The following PAPPA variants were observed in gnomAD, a reference collection of about 807,000 sequenced individuals.
The protein encoded by PAPPA is pappalysin-1.
A neutral mutation model predicts 164.0 loss-of-function variants in PAPPA; 60 were observed. The ratio of observed to expected loss-of-function variants is 0.37; its 90% CI spans 0.30 to 0.45. The LOEUF (loss-of-function observed/expected upper bound fraction) is 0.45. Among genes scored for constraint, PAPPA ranks in the 20% least tolerant of loss-of-function variants. The pLI is 1.00. For missense variants in PAPPA, 1,782 were observed against 2,087.3 expected, an observed-to-expected ratio of 0.85 and a Z score of 2.85; for synonymous variants, 875 against 814.1, an observed-to-expected ratio of 1.07 and a Z score of -1.27.
At chr9:116,272,673 T>C (rs188816334) in intron 9 of PAPPA, among the ~76,000 whole-genome samples, 133 of 152,168 alleles carry the variant, frequency 8.7e-4, no homozygotes, top group African/African-American at 3.0e-3. Context: ...GACATGGGAG[T>C]TTCTAGGCAG....
chr9:116,239,358 C>G (rs1357236984), intron 7 of PAPPA, among the ~76,000 whole-genome samples: 4 of 152,198 alleles, frequency 2.6e-5, no homozygotes, highest in African/African-American at 9.7e-5. Context: ...GACACAAAGA[C>G]ACACCGCATC....
At chr9:116,331,215 A>G in intron 10 of PAPPA, 29 bp from the exon 11 acceptor site, 1 of 1,344,598 alleles carries the variant, frequency 7.4e-7, no homozygotes, top group East Asian at 2.3e-5. Flanking sequence ...TCTCTAAAAC[A>G]TGATTATTTT....
chr9:116,396,802 G>A lies in PAPPA; in HGVS notation c.*186G>A. ...GGGCGAATGAACCAAGTTTCGCCAT[G>A]CTGGATGATGAAATGGATTCCCATC... is the stretch of plus-strand genomic sequence containing the variant. On this transcript the variant is annotated 3_prime_UTR_variant, in exon 22 of 22. Transcript: ENST00000328252. 1.7e-6 allele frequency: 1 copy of A among 585,994 alleles called. No individual in the cohort carries two copies. The highest frequency in any genetic ancestry group is 2.8e-5 in the East Asian group (1 of 35,792). The allele number at this position is 585,994 out of a possible 1,614,324, so 36.3% of individuals were successfully genotyped here.
chr9:116,179,792 T>A (rs539459955), intron 1 of PAPPA, among the ~76,000 whole-genome samples: 1 of 152,328 alleles, frequency 6.6e-6, no homozygotes, highest in East Asian at 1.9e-4. Context: ...ATAAAAGCTT[T>A]CCATAGGATT....
rs1211466718 is a variant in PAPPA at position 116,305,127 on chromosome 9, G to GCACACAAACACA, written c.3147+2183_3147+2184insAACACACACACA. The stretch of plus-strand genomic sequence containing the variant: ...GGCACACGCATACACAAGTACGTGG[G>GCACACAAACACA]CACACAGACACACACACACACACAC... On this transcript the variant is annotated intron_variant, in intron 10 of 21. Transcript: ENST00000328252. Among the ~76,000 whole-genome samples, 8 of 80,750 alleles carry GCACACAAACACA rather than the reference G, an allele frequency of 9.9e-5. No individual in the cohort carries two copies. The East Asian group carries it at 3.0e-3, about 30-fold the overall frequency. 53.0% of individuals were successfully genotyped at this position (80,750 alleles called of 152,430 possible). A position where few individuals can be genotyped will look rare whatever the true frequency, so the allele number is the denominator to read the frequency against.
At chr9:116,301,826 T>A (rs1482529346) in intron 9 of PAPPA, among the ~76,000 whole-genome samples, 1 of 152,228 alleles carries the variant, frequency 6.6e-6, no homozygotes, top group Non-Finnish European at 1.5e-5. Context: ...GTCTCAATAG[T>A]GTAACCTCTT....
intron 1 of PAPPA, among the ~76,000 whole-genome samples, chr9:116,173,397 T>G (rs1843795867): frequency 6.6e-6 from 1 of 152,164 alleles, no homozygotes; most frequent in Non-Finnish European, 1.5e-5. Flanking sequence ...CCTGAGACTT[T>G]AGTCCTGGCT....
intron 17 of PAPPA, among the ~76,000 whole-genome samples, chr9:116,361,091 G>A (rs530926648): frequency 3.0e-4 from 46 of 152,342 alleles, no homozygotes; most frequent in Admixed American, 7.8e-4. Flanking sequence ...TTCAAGGTTG[G>A]TGGTGGTGCT....
At chr9:116,327,582 G>C (rs563065327) in intron 10 of PAPPA, among the ~76,000 whole-genome samples, 442 of 26,226 alleles carry the variant, frequency 0.017, 4 homozygotes, top group African/African-American at 0.022. Flanking sequence ...TGCCTTTTTG[G>C]AAGGTGAAAA....
intron 21 of PAPPA, among the ~76,000 whole-genome samples, chr9:116,389,130 T>TTTA (rs1846855881): frequency 1.1e-5 from 1 of 88,530 alleles, no homozygotes; most frequent in South Asian, 6.3e-4. Context: ...AGAATAATCC[T>TTTA]TTTTTTTTTT....
chr9:116,368,176 A>AGC (rs1846526853), intron 19 of PAPPA, among the ~76,000 whole-genome samples: 10 of 152,154 alleles, frequency 6.6e-5, no homozygotes, highest in African/African-American at 2.4e-4. Flanking sequence ...GTAGCCTTCC[A>AGC]CTTTACATAG....
At chr9:116,263,085 GA>G (rs1323676285) in intron 7 of PAPPA, among the ~76,000 whole-genome samples, 1 of 152,068 alleles carries the variant, frequency 6.6e-6, no homozygotes, top group African/African-American at 2.4e-5. Context: ...TTTTCAATCT[GA>G]AAACTTGGGA....
intron 7 of PAPPA, among the ~76,000 whole-genome samples, chr9:116,261,244 A>G (rs2118802779): frequency 6.6e-6 from 1 of 152,378 alleles, no homozygotes; most frequent in East Asian, 1.9e-4. Flanking sequence ...GAAGTTTTAA[A>G]GAAATATAAC....
At chr9:116,369,782 T>C (rs1322827635) in intron 19 of PAPPA, among the ~76,000 whole-genome samples, 3 of 123,424 alleles carry the variant, frequency 2.4e-5, no homozygotes, top group African/African-American at 9.2e-5. Context: ...GCTGCCTGCC[T>C]GCCCCATCCC....
chr9:116,243,054 G>A (rs1023640227), intron 7 of PAPPA, among the ~76,000 whole-genome samples: 3 of 151,984 alleles, frequency 2.0e-5, no homozygotes, highest in Non-Finnish European at 4.4e-5. Flanking sequence ...CGTTAAATTG[G>A]GATTTCAATG....
At chr9:116,293,118 G>C (rs1845457239) in intron 9 of PAPPA, among the ~76,000 whole-genome samples, 1 of 152,148 alleles carries the variant, frequency 6.6e-6, no homozygotes. Context: ...AGACTGGAGA[G>C]AACCGATAGG....
intron 9 of PAPPA, among the ~76,000 whole-genome samples, chr9:116,288,445 C>CCCTCCCTA (rs1407730035): frequency 9.5e-6 from 1 of 104,842 alleles, no homozygotes; most frequent in Admixed American, 1.1e-4. Context: ...CTCCCTCCCT[C>CCCTCCCTA]CCTTCCTTCC....
At chr9:116,171,423 T>C (rs1262274916) in intron 1 of PAPPA, among the ~76,000 whole-genome samples, 1 of 152,144 alleles carries the variant, frequency 6.6e-6, no homozygotes, top group Non-Finnish European at 1.5e-5. Flanking sequence ...GGTCTTTGTA[T>C]TCTCAACAAC....
chr9:116,331,410 C>T (rs1392950539), intron 11 of PAPPA, 53 bp downstream of exon 11: 85 of 1,035,932 alleles, frequency 8.2e-5, no homozygotes, highest in Non-Finnish European at 6.1e-6. Flanking sequence ...CCACAGAAAA[C>T]ACTGACTCCC....
Sources: allele counts gnomAD v4.1 joint callset (sites outside exome capture counted in the v4.1 genomes callset), GRCh38; gene constraint gnomAD v4.1.1; transcripts MANE v1.5; gene names NCBI Gene and HGNC (gene_info 2026-07-23, HGNC 2026-07-21).